Variants in DGKB observed in about 807,000 individuals in gnomAD.
The protein encoded by DGKB is 90 kDa diacylglycerol kinase.
A neutral mutation model predicts 114.3 loss-of-function variants in DGKB; 67 were observed. That is an observed-to-expected ratio of 0.59 (90% CI 0.48 to 0.72). The LOEUF (loss-of-function observed/expected upper bound fraction) is 0.72, where lower values mean the gene tolerates loss of function less well. DGKB is among the 30% of genes least tolerant of loss of function. The probability of loss-of-function intolerance (pLI) is 0.00; values close to 1 mark genes in which losing one functional copy is unlikely to be tolerated. For synonymous variants in DGKB, 398 were observed against 323.1 expected (o/e 1.23, Z -2.49); for missense variants, 907 against 975.2 (o/e 0.93, Z 0.93).
chr7:14,281,344 C>A (rs1799921978), intron 23 of DGKB, among the ~76,000 whole-genome samples: 1 of 138,444 alleles, frequency 7.2e-6, no homozygotes, highest in South Asian at 2.6e-4. Flanking sequence ...AATACAGGAG[C>A]ACCCAGATTC....
intron 1 of DGKB, among the ~76,000 whole-genome samples, chr7:14,917,865 A>T (rs1784316912): frequency 6.6e-6 from 1 of 152,108 alleles, no homozygotes; most frequent in Admixed American, 6.5e-5. Flanking sequence ...ACCAAATATT[A>T]GCAAATTGAA....
Position 14,841,454 on chromosome 7 carries a change from CAA to C in DGKB, c.-187-6_-187-5del, listed in dbSNP as rs34838441. Reference sequence around the variant, plus strand: ...ATTTCAATAATGTGTTAAAGAACTGCAAAAAAAAAAAACAGATCAAGATCAAA... The same window carrying C: ...ATTTCAATAATGTGTTAAAGAACTGCAAAAAAAAAACAGATCAAGATCAAA... On this transcript the variant is annotated splice_region_variant and splice_polypyrimidine_tract_variant and intron_variant, in intron 1 of 25. Transcript: ENST00000402815. The C allele has an allele frequency of 0.56, 202,919 of 363,206 alleles. 52,815 individuals are homozygous for C. The highest frequency in any genetic ancestry group is 0.64 in the Admixed American group (13,885 of 21,564). 22.5% of individuals were successfully genotyped at this position (363,206 alleles called of 1,614,324 possible).
chr7:14,776,689 G>A lies in DGKB; in HGVS notation c.71-18958C>T, dbSNP rs184891792. Among the ~76,000 whole-genome samples, 15 of 152,362 alleles carry A rather than the reference G, an allele frequency of 9.8e-5. No homozygotes were observed. The East Asian group carries it at 2.5e-3, about 25-fold the overall frequency. On this transcript the variant is annotated intron_variant, in intron 2 of 25. Transcript: ENST00000402815. Reference sequence around the variant, plus strand: ...TTCAGAGAATGTATGGAAATGCCTGGATGTCCAGGCAGAAGTCTGCTGCAG... The same window carrying A: ...TTCAGAGAATGTATGGAAATGCCTGAATGTCCAGGCAGAAGTCTGCTGCAG...
chr7:14,494,522 T>A (rs572951415), intron 20 of DGKB, among the ~76,000 whole-genome samples: 6 of 152,050 alleles, frequency 3.9e-5, no homozygotes, highest in African/African-American at 1.4e-4. Context: ...TCTTTTCAAA[T>A]AAGCAGTATT....
At chr7:14,596,714 G>GT (rs1343888468) in intron 17 of DGKB, among the ~76,000 whole-genome samples, 1 of 151,886 alleles carries the variant, frequency 6.6e-6, no homozygotes, top group Non-Finnish European at 1.5e-5. Context: ...AGTCTTTTTT[G>GT]TTTTTTACTG....
chr7:14,864,277 T>C (rs1851407365), intron 1 of DGKB, among the ~76,000 whole-genome samples: 1 of 152,156 alleles, frequency 6.6e-6, no homozygotes, highest in Admixed American at 6.6e-5. Context: ...TAGCAGAATC[T>C]ATGTCAAATA....
chr7:14,595,108 T>C (rs1802344544), intron 17 of DGKB, among the ~76,000 whole-genome samples: 1 of 152,050 alleles, frequency 6.6e-6, no homozygotes, highest in African/African-American at 2.4e-5. Flanking sequence ...CTTGGAGACA[T>C]ATGAGTTGAA....
At chr7:14,451,906 T>C (rs1326378666) in intron 21 of DGKB, among the ~76,000 whole-genome samples, 1 of 148,850 alleles carries the variant, frequency 6.7e-6, no homozygotes, top group Non-Finnish European at 1.5e-5. Flanking sequence ...AACTCACTCT[T>C]TTGCACAGTC....
intron 21 of DGKB, among the ~76,000 whole-genome samples, chr7:14,429,932 CCA>C (rs1468559512): frequency 1.3e-5 from 2 of 151,660 alleles, no homozygotes; most frequent in African/African-American, 2.4e-5. Flanking sequence ...GTCCCCCCCC[CCA>C]AAAAAAAGGC....
At chr7:14,242,266 G>T (rs1227699982) in intron 23 of DGKB, among the ~76,000 whole-genome samples, 1 of 152,108 alleles carries the variant, frequency 6.6e-6, no homozygotes, top group Non-Finnish European at 1.5e-5. Flanking sequence ...CAGGGTGTAT[G>T]CGAGGTTGGA....
At chr7:14,941,752 T>C (rs774868467) in intron 1 of DGKB, among the ~76,000 whole-genome samples, 82 of 152,154 alleles carry the variant, frequency 5.4e-4, no homozygotes, top group Non-Finnish European at 9.6e-4. Flanking sequence ...TTAATGGTAC[T>C]AGATTTCAGG....
chr7:14,209,184 A>C (rs1179530425), intron 23 of DGKB: 3 of 237,070 alleles, frequency 1.3e-5, no homozygotes, highest in South Asian at 3.2e-5. Flanking sequence ...AAAAAAAAAA[A>C]ACGCCAAATT....
At chr7:14,426,013 T>G (rs910672771) in intron 21 of DGKB, among the ~76,000 whole-genome samples, 3 of 152,182 alleles carry the variant, frequency 2.0e-5, no homozygotes, top group East Asian at 3.9e-4. Context: ...AAATTTTATC[T>G]AATTAACCTG....
chr7:14,636,916 C>T (rs1256544214), intron 13 of DGKB, among the ~76,000 whole-genome samples: 1 of 151,858 alleles, frequency 6.6e-6, no homozygotes, highest in African/African-American at 2.4e-5. Flanking sequence ...TTAAGCAGCA[C>T]ATTCAAATAC....
intron 9 of DGKB, among the ~76,000 whole-genome samples, chr7:14,690,171 T>C (rs1413552629): frequency 6.6e-6 from 1 of 152,212 alleles, no homozygotes; most frequent in African/African-American, 2.4e-5. Flanking sequence ...AAGTTAGAGA[T>C]TTCAGAAATT....
At chr7:14,842,525 C>A (rs1012304803) in intron 1 of DGKB, among the ~76,000 whole-genome samples, 1 of 152,144 alleles carries the variant, frequency 6.6e-6, no homozygotes, top group Non-Finnish European at 1.5e-5. Flanking sequence ...CCAAGGGCAA[C>A]CATGGGTTTG....
chr7:14,157,257 A>ATGTG (rs1256278352), intron 25 of DGKB, among the ~76,000 whole-genome samples: 1 of 151,618 alleles, frequency 6.6e-6, no homozygotes, highest in African/African-American at 2.4e-5. Context: ...TTTTGAATTC[A>ATGTG]TGTGTGTAGC....
Position 14,169,947 on chromosome 7 carries a change from C to A in DGKB, c.2304+6892G>T, listed in dbSNP as rs573085628. On this transcript the variant is annotated intron_variant, in intron 25 of 25. Coordinates refer to ENST00000402815, the MANE Select transcript of DGKB (RefSeq NM_001350709.2). Reference sequence around the variant, plus strand: ...GTTGGGAGTTCAAGACCAGCCTGACCAACATGGAGAAACCCCATCTCTACT... The same window carrying A: ...GTTGGGAGTTCAAGACCAGCCTGACAAACATGGAGAAACCCCATCTCTACT... 1.2e-3 allele frequency among the ~76,000 whole-genome samples: 175 copies of A among 151,692 alleles called. 1 individual carries two copies. Among genetic ancestry groups the A allele is most frequent in the African/African-American group, 3.9e-3 (161 of 41,402 alleles).
intron 13 of DGKB, among the ~76,000 whole-genome samples, chr7:14,659,041 G>C (rs1816467186): frequency 6.6e-6 from 1 of 151,840 alleles, no homozygotes; most frequent in Non-Finnish European, 1.5e-5. Flanking sequence ...ACATGCATTA[G>C]GTATTTGTCC....
Sources: allele counts gnomAD v4.1 joint callset (sites outside exome capture counted in the v4.1 genomes callset), GRCh38; gene constraint gnomAD v4.1.1; transcripts MANE v1.5; gene names NCBI Gene and HGNC (gene_info 2026-07-23, HGNC 2026-07-21).